RAB7A: variants seen among roughly 807,000 people sequenced by gnomAD.
The protein encoded by RAB7A is ras-related protein Rab-7a.
In RAB7A, 2 loss-of-function variants were observed where a neutral mutation model predicts 24.5. The observed-to-expected ratio is 0.08, with a 90% CI of 0.03 to 0.26. The LOEUF is 0.26. Ranked by LOEUF, RAB7A falls within the 10% of genes least tolerant of loss-of-function variation. The pLI is 1.00. For synonymous variants in RAB7A, 100 were observed against 95.9 expected (o/e 1.04, Z -0.25); for missense variants, 118 against 255.7 (o/e 0.46, Z 3.67).
At chr3:128,765,151 G>T (rs999664009) in intron 1 of RAB7A, 4 of 699,598 alleles carry the variant, frequency 5.7e-6, no homozygotes, top group Non-Finnish European at 7.8e-6. Context: ...GGTGGGGGAC[G>T]AGCGCTGGGT....
Position 128,774,461 on chromosome 3 carries a change from CT to C in RAB7A, c.-8-20887del, listed in dbSNP as rs1467944827. Among the ~76,000 whole-genome samples, 172 of 145,720 alleles carry C rather than the reference CT, an allele frequency of 1.2e-3. 2 individuals carry two copies. Among genetic ancestry groups the C allele is most frequent in the Admixed American group, 4.7e-3 (69 of 14,554 alleles). On this transcript the variant is annotated intron_variant, in intron 1 of 5. Coordinates refer to ENST00000265062, the MANE Select transcript of RAB7A (RefSeq NM_004637.6). ...CTTTTGAACTGAAAGGCTCTTGGATCTTTTTTTTTTTTCTCCCAGAAACAGA... is the reference window on the plus strand; with the variant it reads ...CTTTTGAACTGAAAGGCTCTTGGATCTTTTTTTTTTTCTCCCAGAAACAGA...
intron 1 of RAB7A, among the ~76,000 whole-genome samples, chr3:128,777,389 A>G (rs1933121063): frequency 6.6e-6 from 1 of 151,966 alleles, no homozygotes; most frequent in South Asian, 2.1e-4. Context: ...TTCTGTAGAG[A>G]TGGGGTCTCC....
intron 1 of RAB7A, among the ~76,000 whole-genome samples, chr3:128,774,680 C>A (rs548289114): frequency 6.6e-6 from 1 of 152,368 alleles, no homozygotes; most frequent in South Asian, 2.1e-4. Context: ...TCACGCCATT[C>A]TCCTGCCTCA....
intron 1 of RAB7A, among the ~76,000 whole-genome samples, chr3:128,756,771 C>A (rs568219293): frequency 1.1e-4 from 17 of 152,030 alleles, no homozygotes; most frequent in African/African-American, 3.9e-4. Flanking sequence ...AAAGCTACAC[C>A]AATGAAAACA....
Position 128,806,534 on chromosome 3 carries a change from C to G in RAB7A, c.343C>G (p.Pro115Ala). Residue 115 changes from proline (P) to alanine (A), a missense_variant, in exon 4 of 6, where the codon CCT becomes GCT. Pro to Ala is a conservative substitution (Grantham distance 27). Coordinates refer to ENST00000265062, the MANE Select transcript of RAB7A (RefSeq NM_004637.6). Reference protein sequence around the residue: ...EFLIQASPRDPENFPFVVLGN... With the variant: ...EFLIQASPRDAENFPFVVLGN... ...TCTCATCCAGGCCAGTCCCCGAGAT[C>G]CTGAAAACTTCCCATTTGTTGTGTT... 1 of 1,614,172 alleles carries G rather than the reference C, an allele frequency of 6.2e-7. No individual in the cohort carries two copies. The highest frequency in any genetic ancestry group is 8.5e-7 in the Non-Finnish European group (1 of 1,180,030).
chr3:128,813,047 T>C (rs1407563219), intron 5 of RAB7A, among the ~76,000 whole-genome samples: 1 of 152,242 alleles, frequency 6.6e-6, no homozygotes, highest in Non-Finnish European at 1.5e-5. Flanking sequence ...TGAACTTCTG[T>C]CCTGATTGCT....
intron 1 of RAB7A, among the ~76,000 whole-genome samples, chr3:128,779,739 T>C (rs1216009797): frequency 6.6e-6 from 1 of 152,154 alleles, no homozygotes; most frequent in Non-Finnish European, 1.5e-5. Flanking sequence ...GTAGGCACGA[T>C]ACCATGCTTG....
chr3:128,797,523 G>A (rs1393887858), intron 2 of RAB7A, among the ~76,000 whole-genome samples: 2 of 152,190 alleles, frequency 1.3e-5, no homozygotes, highest in Non-Finnish European at 2.9e-5. Flanking sequence ...TCCTCCTGGT[G>A]TTACTTCATC....
In RAB7A at chr3:128,813,672, G is replaced by T; in HGVS notation, c.*250G>T. On this transcript the variant is annotated 3_prime_UTR_variant, in exon 6 of 6. Transcript: ENST00000265062. ...TGCCCGTGATGGCTCCTTGGGGTCT[G>T]CCTGCCCACCCACATGAGCCCGCGA... 1.9e-6 allele frequency: 1 copy of T among 536,174 alleles called. No individual in the cohort carries two copies. Among genetic ancestry groups the T allele is most frequent in the Non-Finnish European group, 3.5e-6 (1 of 289,600 alleles). 33.2% of individuals were successfully genotyped at this position (536,174 alleles called of 1,614,324 possible). A position where few individuals can be genotyped will look rare whatever the true frequency, so the allele number is the denominator to read the frequency against.
intron 5 of RAB7A, among the ~76,000 whole-genome samples, chr3:128,811,521 T>A (rs546211361): frequency 6.6e-6 from 1 of 152,308 alleles, no homozygotes; most frequent in East Asian, 1.9e-4. Flanking sequence ...GGAAGCCAGT[T>A]GCAAAAAGAC....
chr3:128,784,061 T>A (rs1321837651), intron 1 of RAB7A, among the ~76,000 whole-genome samples: 1 of 152,190 alleles, frequency 6.6e-6, no homozygotes, highest in Non-Finnish European at 1.5e-5. Context: ...ATTCCCAATT[T>A]AGCACAGGCG....
At position 128,813,647 on chromosome 3, in the gene RAB7A, T is replaced by G; in HGVS notation, c.*225T>G. On this transcript the variant is annotated 3_prime_UTR_variant, in exon 6 of 6. Transcript: ENST00000265062. ...TCTGACGTAATCAAACTCCAGCCCT[T>G]GCCCGTGATGGCTCCTTGGGGTCTG... 1.8e-6 allele frequency: 1 copy of G among 567,594 alleles called. No individual in the cohort carries two copies. The highest frequency in any genetic ancestry group is 3.3e-6 in the Non-Finnish European group (1 of 306,506). 35.2% of individuals were successfully genotyped at this position (567,594 alleles called of 1,614,324 possible).
At chr3:128,765,543 C>G (rs997650999) in intron 1 of RAB7A, among the ~76,000 whole-genome samples, 2 of 152,136 alleles carry the variant, frequency 1.3e-5, no homozygotes, top group African/African-American at 4.8e-5. Flanking sequence ...AAGTTTATTG[C>G]CCACAGTTTG....
chr3:128,778,003 C>T lies in RAB7A; in HGVS notation c.-8-17357C>T, dbSNP rs572808547. 2.6e-5 allele frequency among the ~76,000 whole-genome samples: 4 copies of T among 152,304 alleles called. No homozygotes were observed. The East Asian group carries it at 5.8e-4, about 22-fold the overall frequency. ...TGCTGGGATTACAGGCATGAACCAC[C>T]GCGCCTGGCCAAAGAGCCAGTATTT... On this transcript the variant is annotated intron_variant, in intron 1 of 5. Coordinates refer to ENST00000265062, the MANE Select transcript of RAB7A (RefSeq NM_004637.6).
chr3:128,775,644 A>G (rs1933070840), intron 1 of RAB7A, among the ~76,000 whole-genome samples: 1 of 152,224 alleles, frequency 6.6e-6, no homozygotes, highest in African/African-American at 2.4e-5. Flanking sequence ...CTTTACCTAA[A>G]TGAATTTGTT....
chr3:128,794,311 CA>C (rs1372154084), intron 1 of RAB7A, among the ~76,000 whole-genome samples: 6 of 152,192 alleles, frequency 3.9e-5, no homozygotes, highest in African/African-American at 1.4e-4. Flanking sequence ...TTTATTTATT[CA>C]GTCTTCACAG....
intron 1 of RAB7A, among the ~76,000 whole-genome samples, chr3:128,744,876 CTTTTTTT>C (rs1242538121): frequency 1.4e-5 from 2 of 139,396 alleles, no homozygotes; most frequent in South Asian, 4.6e-4. Context: ...TTTTCTTTTT[CTTTTTTT>C]TTTTTTTTGA....
At chr3:128,776,945 TACACACAC>T (rs71153145) in intron 1 of RAB7A, among the ~76,000 whole-genome samples, 12,555 of 142,334 alleles carry the variant, frequency 0.088, 1,096 homozygotes, top group African/African-American at 0.22. Flanking sequence ...TTAGTTGAGC[TACACACAC>T]ACACACACAC....
chr3:128,748,122 C>A (rs13091783), intron 1 of RAB7A, among the ~76,000 whole-genome samples: 1,698 of 152,304 alleles, frequency 0.011, 23 homozygotes, highest in Middle Eastern at 0.017. Flanking sequence ...CCCCTACTGG[C>A]CCTGGCACTT....
Sources: allele counts gnomAD v4.1 joint callset (sites outside exome capture counted in the v4.1 genomes callset), GRCh38; gene constraint gnomAD v4.1.1; transcripts MANE v1.5; gene names NCBI Gene and HGNC (gene_info 2026-07-23, HGNC 2026-07-21).